Variants in B3GALT1 observed in about 807,000 individuals in gnomAD.
B3GALT1 encodes the protein beta-1,3-galactosyltransferase 1, also known as UDP-Gal:betaGlcNAc beta 1,3-galactosyltransferase, polypeptide 1.
Under a neutral mutation model 23.2 loss-of-function variants are expected in B3GALT1, and 10 were observed. That is an observed-to-expected ratio of 0.43 (90% confidence interval 0.27 to 0.73). The LOEUF (loss-of-function observed/expected upper bound fraction) is 0.73. Ranked by LOEUF, B3GALT1 falls within the 30% of genes least tolerant of loss-of-function variation. The pLI, the probability that B3GALT1 is intolerant of heterozygous loss-of-function variation, is 0.21. For synonymous variants in B3GALT1, 156 were observed against 141.5 expected (o/e 1.10, Z -0.73); for missense variants, 299 against 405.4 (o/e 0.74, Z 2.25).
Position 167,869,399 on chromosome 2 carries a change from G to C in B3GALT1, c.360G>C (p.Lys120Asn). ...TAGCCACCCTGTTCCTCCTGGGCAA[G>C]AATGCTGATCCTGTTCTCAATCAGA... is the stretch of plus-strand genomic sequence containing the variant. Reference protein sequence around the residue: ...IKIATLFLLGKNADPVLNQMV... With the variant: ...IKIATLFLLGNNADPVLNQMV... Residue 120 changes from lysine to asparagine, a missense_variant, in exon 5 of 5, where the codon AAG becomes AAC. This residue lies in a region of B3GALT1 where 162 missense variants were observed against 184.1 expected (regional missense o/e 0.88). Transcript: ENST00000392690. The surrounding 1 kb of genome is among the most constrained non-coding windows in gnomAD (Gnocchi z 6.4). The C allele has an allele frequency of 6.2e-7, 1 of 1,614,168 alleles. No individual in the cohort carries two copies. Among genetic ancestry groups the C allele is most frequent in the Non-Finnish European group, 8.5e-7 (1 of 1,180,040 alleles).
intron 3 of B3GALT1, among the ~76,000 whole-genome samples, chr2:167,671,197 A>G (rs1410066588): frequency 1.3e-5 from 2 of 152,184 alleles, no homozygotes; most frequent in African/African-American, 4.8e-5. Flanking sequence ...AGAAATAGAC[A>G]GCAATACAAT....
At chr2:167,577,377 C>T (rs1307452714) in intron 2 of B3GALT1, among the ~76,000 whole-genome samples, 1 of 151,770 alleles carries the variant, frequency 6.6e-6, no homozygotes, top group Non-Finnish European at 1.5e-5. Flanking sequence ...CTTTGTGCCC[C>T]TCAAGGTATT....
chr2:167,547,696 A>AC (rs1683663130), intron 2 of B3GALT1, among the ~76,000 whole-genome samples: 1 of 121,530 alleles, frequency 8.2e-6, no homozygotes, highest in Non-Finnish European at 1.6e-5. Context: ...TCTGTCTCAA[A>AC]AAAAAAAAAA....
chr2:167,842,560 T>C (rs979698089), intron 4 of B3GALT1, among the ~76,000 whole-genome samples: 2 of 152,230 alleles, frequency 1.3e-5, no homozygotes. Flanking sequence ...TATAATTTTC[T>C]TTAAATGTTA....
intron 3 of B3GALT1, among the ~76,000 whole-genome samples, chr2:167,755,402 G>A (rs1687799744): frequency 6.6e-6 from 1 of 150,716 alleles, no homozygotes; most frequent in Non-Finnish European, 1.5e-5. Flanking sequence ...TGCGTCCCAG[G>A]GCCTCCTATA....
intron 2 of B3GALT1, among the ~76,000 whole-genome samples, chr2:167,555,578 A>G (rs1683830993): frequency 6.6e-6 from 1 of 152,192 alleles, no homozygotes; most frequent in Non-Finnish European, 1.5e-5. Context: ...GAAGAAACAC[A>G]GGCTTTTATT....
intron 2 of B3GALT1, among the ~76,000 whole-genome samples, chr2:167,569,498 G>A (rs919801665): frequency 4.0e-5 from 6 of 151,802 alleles, no homozygotes; most frequent in African/African-American, 1.5e-4. Flanking sequence ...TTCCACTTGT[G>A]CCTTGCTAGT....
chr2:167,617,102 A>G (rs1015102337), intron 2 of B3GALT1, among the ~76,000 whole-genome samples: 1 of 151,960 alleles, frequency 6.6e-6, no homozygotes, highest in Admixed American at 6.6e-5. Context: ...GCACACAGGA[A>G]CTTTTTGTTT....
intron 2 of B3GALT1, among the ~76,000 whole-genome samples, chr2:167,640,069 G>C (rs941028458): frequency 6.6e-6 from 1 of 152,098 alleles, no homozygotes; most frequent in Non-Finnish European, 1.5e-5. Context: ...ATAATATGAT[G>C]TTCCAAATAA....
chr2:167,340,313 GAA>G (rs773710953), intron 1 of B3GALT1, among the ~76,000 whole-genome samples: 1,188 of 87,330 alleles, frequency 0.014, 8 homozygotes, highest in Admixed American at 0.045. Flanking sequence ...GGTACAGGGA[GAA>G]AAAAAAAAAA....
intron 3 of B3GALT1, among the ~76,000 whole-genome samples, chr2:167,813,619 C>G (rs1688934939): frequency 6.6e-6 from 1 of 152,148 alleles, no homozygotes; most frequent in African/African-American, 2.4e-5. Context: ...GGGTGCAAAG[C>G]TGAGAAGAAA....
At chr2:167,559,596 A>G (rs1434216142) in intron 2 of B3GALT1, among the ~76,000 whole-genome samples, 1 of 152,220 alleles carries the variant, frequency 6.6e-6, no homozygotes, top group Non-Finnish European at 1.5e-5. Flanking sequence ...TAACCAATAC[A>G]GAGAAGTGCT....
chr2:167,807,064 C>T (rs1166576204), intron 3 of B3GALT1, among the ~76,000 whole-genome samples: 3 of 151,872 alleles, frequency 2.0e-5, no homozygotes, highest in African/African-American at 4.8e-5. Flanking sequence ...TGTCGAGGAA[C>T]TTATCCATTT....
intron 3 of B3GALT1, among the ~76,000 whole-genome samples, chr2:167,801,430 A>G (rs551565978): frequency 6.6e-6 from 1 of 152,294 alleles, no homozygotes; most frequent in East Asian, 1.9e-4. Context: ...TGAGTCTTAT[A>G]TTTGTGATGT....
intron 2 of B3GALT1, among the ~76,000 whole-genome samples, chr2:167,552,348 T>C (rs1181244649): frequency 6.6e-6 from 1 of 152,160 alleles, no homozygotes; most frequent in Non-Finnish European, 1.5e-5. Flanking sequence ...CATATAAAAA[T>C]TTAGGAGACC....
At chr2:167,662,248 CT>C (rs889870942) in intron 3 of B3GALT1, among the ~76,000 whole-genome samples, 10 of 152,022 alleles carry the variant, frequency 6.6e-5, no homozygotes, top group Admixed American at 3.9e-4. Context: ...TCCACAAGTA[CT>C]TTTTTTGTAT....
chr2:167,759,763 T>C (rs908649289), intron 3 of B3GALT1, among the ~76,000 whole-genome samples: 3 of 152,062 alleles, frequency 2.0e-5, no homozygotes, highest in Admixed American at 1.3e-4. Context: ...AACTGAAACA[T>C]GCCACTGTGC....
At chr2:167,298,520 G>C (rs1335420820) in intron 1 of B3GALT1, among the ~76,000 whole-genome samples, 2 of 151,980 alleles carry the variant, frequency 1.3e-5, no homozygotes, top group Non-Finnish European at 2.9e-5. Context: ...AAGGCTGGAC[G>C]TAACTTTGCA....
At chr2:167,314,891 C>G (rs1574029263) in intron 1 of B3GALT1, among the ~76,000 whole-genome samples, 1 of 152,078 alleles carries the variant, frequency 6.6e-6, no homozygotes, top group East Asian at 1.9e-4. Flanking sequence ...TCTCTTAAAT[C>G]TACACAAATG....
Sources: allele counts gnomAD v4.1 joint callset (sites outside exome capture counted in the v4.1 genomes callset), GRCh38; gene constraint gnomAD v4.1.1; regional missense constraint gnomAD v4.1.1; non-coding constraint Gnocchi (gnomAD v3.1); transcripts MANE v1.5; gene names NCBI Gene and HGNC (gene_info 2026-07-23, HGNC 2026-07-21).